Variants in TMEM135 observed in about 807,000 individuals in gnomAD.
TMEM135 encodes the protein transmembrane protein 135.
TMEM135 carries 30 observed loss-of-function variants against 60.3 expected under a neutral mutation model. The observed-to-expected ratio is 0.50, with a 90% CI of 0.37 to 0.68. TMEM135 has a LOEUF of 0.68. TMEM135 is among the 30% of genes least tolerant of loss of function. TMEM135 has a pLI of 0.00. For missense variants in TMEM135, 468 were observed against 548.8 expected (o/e 0.85, Z 1.47); for synonymous variants, 190 against 186.7 (o/e 1.02, Z -0.14).
chr11:87,195,077 T>C (rs1939903227), intron 5 of TMEM135, among the ~76,000 whole-genome samples: 2 of 152,170 alleles, frequency 1.3e-5, no homozygotes, highest in South Asian at 4.1e-4. Context: ...TCTTTATGTG[T>C]TATCTGAAGG....
At chr11:87,174,475 T>C (rs1057253651) in intron 5 of TMEM135, among the ~76,000 whole-genome samples, 2 of 152,128 alleles carry the variant, frequency 1.3e-5, no homozygotes, top group African/African-American at 4.8e-5. Flanking sequence ...CATAATCTAT[T>C]AGAATATAGC....
chr11:87,070,790 G>A (rs1056682513), intron 2 of TMEM135, among the ~76,000 whole-genome samples: 5 of 152,236 alleles, frequency 3.3e-5, no homozygotes, highest in Non-Finnish European at 5.9e-5. Context: ...AAACTAAAAC[G>A]TATAAAATAC....
chr11:87,269,317 T>TG (rs1346072525), intron 6 of TMEM135, among the ~76,000 whole-genome samples: 1 of 150,440 alleles, frequency 6.6e-6, no homozygotes, highest in Non-Finnish European at 1.5e-5. Flanking sequence ...CTTTTTTTTT[T>TG]GTGCAAGTGT....
At position 87,252,543 on chromosome 11, in the gene TMEM135, C is replaced by A. The variant is rs535110634; in HGVS notation, c.509+15859C>A. On this transcript the variant is annotated intron_variant, in intron 6 of 14. Coordinates refer to ENST00000305494, the MANE Select transcript of TMEM135 (RefSeq NM_022918.4). Reference sequence around the variant, plus strand: ...ATCCCAGCACTTTGGGAGGCTGAGGCAGGTAGATCACCTGAGGTCAGGAGT... The same window carrying A: ...ATCCCAGCACTTTGGGAGGCTGAGGAAGGTAGATCACCTGAGGTCAGGAGT... 3.3e-5 allele frequency among the ~76,000 whole-genome samples: 5 copies of A among 152,048 alleles called. No homozygotes were observed. The South Asian group carries it at 6.2e-4, about 19-fold the overall frequency.
intron 1 of TMEM135, among the ~76,000 whole-genome samples, chr11:87,064,060 C>T (rs980631555): frequency 1.6e-4 from 25 of 151,990 alleles, no homozygotes; most frequent in African/African-American, 5.6e-4. Context: ...CCAAGGGGAC[C>T]ACAATTTTAT....
At chr11:87,203,893 T>C (rs1940177115) in intron 5 of TMEM135, among the ~76,000 whole-genome samples, 1 of 152,248 alleles carries the variant, frequency 6.6e-6, no homozygotes, top group Non-Finnish European at 1.5e-5. Flanking sequence ...TTCTGAATTA[T>C]GGCCGTTCTA....
intron 4 of TMEM135, among the ~76,000 whole-genome samples, chr11:87,130,643 C>G (rs1474405960): frequency 6.6e-6 from 1 of 151,938 alleles, no homozygotes; most frequent in African/African-American, 2.4e-5. Flanking sequence ...AGCTGTTAAA[C>G]CTTTTGTAAT....
chr11:87,149,969 C>G (rs1415958218), intron 4 of TMEM135, among the ~76,000 whole-genome samples: 1 of 152,118 alleles, frequency 6.6e-6, no homozygotes, highest in Non-Finnish European at 1.5e-5. Flanking sequence ...GTAATCCCAG[C>G]ACTTTGGGAG....
Position 87,064,964 on chromosome 11 carries a change from C to G in TMEM135, c.142-2730C>G, listed in dbSNP as rs1300056834. On this transcript the variant is annotated intron_variant, in intron 1 of 14. Transcript: ENST00000305494. Reference sequence around the variant, plus strand: ...CTTTAGGATTAGCTTTTTTTTTTTCCCCCCACTCAGTATAATTCTGTGGAA... The same window carrying G: ...CTTTAGGATTAGCTTTTTTTTTTTCGCCCCACTCAGTATAATTCTGTGGAA... Among the ~76,000 whole-genome samples, 4 of 151,378 alleles carry G rather than the reference C, an allele frequency of 2.6e-5. No individual in the cohort carries two copies. In the East Asian group the frequency reaches 7.7e-4, roughly 29 times the overall value.
Position 87,302,384 on chromosome 11 carries a change from G to C in TMEM135, c.640G>C (p.Glu214Gln), listed in dbSNP as rs1370307965. Reference sequence around the variant, plus strand: ...AGTGGAACAAAAGAGAGAGCAACATGAGGAAAAACCCGGAAGAATGAATAT... The same window carrying C: ...AGTGGAACAAAAGAGAGAGCAACATCAGGAAAAACCCGGAAGAATGAATAT... ...AKVEQKREQHEEKPGRMNMIG... is the reference protein window; with the variant it reads ...AKVEQKREQHQEKPGRMNMIG... The change falls in exon 8 of 15, where the codon GAG becomes CAG. Residue 214 changes from glutamate to glutamine, a missense_variant. By Grantham distance (29) the Glu-to-Gln change is conservative (BLOSUM62 2). Coordinates refer to ENST00000305494, the MANE Select transcript of TMEM135 (RefSeq NM_022918.4). The C allele has an allele frequency of 1.9e-6, 3 of 1,613,764 alleles. No individual in the cohort carries two copies. The Admixed American group carries it at 5.0e-5, about 27-fold the overall frequency.
intron 5 of TMEM135, chr11:87,178,441 GT>G (rs1939436917): frequency 2.2e-6 from 1 of 455,764 alleles, no homozygotes; most frequent in Non-Finnish European, 4.4e-6. Flanking sequence ...AACATAATGC[GT>G]TTTGTTTTTT....
chr11:87,122,470 A>AT lies in TMEM135; in HGVS notation c.396+31083dup, dbSNP rs763599061. On this transcript the variant is annotated intron_variant, in intron 4 of 14. Coordinates refer to ENST00000305494, the MANE Select transcript of TMEM135 (RefSeq NM_022918.4). ...TTATTTATTTATTTATTTATTATTTATTTTTTTTGAGATGGAGTCTTGCTC... is the reference window on the plus strand; with the variant it reads ...TTATTTATTTATTTATTTATTATTTATTTTTTTTTGAGATGGAGTCTTGCTC... Among the ~76,000 whole-genome samples, 7 of 144,914 alleles carry AT rather than the reference A, an allele frequency of 4.8e-5. No homozygotes were observed. The East Asian group carries it at 5.9e-4, about 12-fold the overall frequency.
At chr11:87,097,115 G>T (rs1306078263) in intron 4 of TMEM135, among the ~76,000 whole-genome samples, 2 of 151,826 alleles carry the variant, frequency 1.3e-5, no homozygotes, top group African/African-American at 4.8e-5. Context: ...TCCTGCCTCA[G>T]TCCCCAGAGT....
chr11:87,124,879 A>G (rs1202806037), intron 4 of TMEM135, among the ~76,000 whole-genome samples: 1 of 150,764 alleles, frequency 6.6e-6, no homozygotes, highest in Non-Finnish European at 1.5e-5. Context: ...CAGAGCTGGG[A>G]TTTTATTTAG....
At chr11:87,258,912 C>A in intron 6 of TMEM135, 1 of 1,263,742 alleles carries the variant, frequency 7.9e-7, no homozygotes, top group Non-Finnish European at 1.2e-6. Flanking sequence ...CTGTGTTAGG[C>A]CCTAGAAGTA....
At chr11:87,224,689 C>T (rs780011489) in intron 5 of TMEM135, among the ~76,000 whole-genome samples, 1 of 151,578 alleles carries the variant, frequency 6.6e-6, no homozygotes, top group African/African-American at 2.4e-5. Context: ...AATATTTTTT[C>T]AGCTGTAACT....
intron 4 of TMEM135, among the ~76,000 whole-genome samples, chr11:87,139,187 G>A (rs540480875): frequency 1.3e-5 from 2 of 152,194 alleles, no homozygotes; most frequent in African/African-American, 2.4e-5. Flanking sequence ...TTTCATTAAT[G>A]TAGTACCCAG....
chr11:87,313,027 T>C (rs188941258), intron 10 of TMEM135, among the ~76,000 whole-genome samples: 1 of 151,882 alleles, frequency 6.6e-6, no homozygotes. Context: ...GGAAAAAATC[T>C]TTGTTTCACC....
intron 6 of TMEM135, among the ~76,000 whole-genome samples, chr11:87,269,280 G>GT (rs374547199): frequency 0.096 from 11,025 of 115,226 alleles, 964 homozygotes; most frequent in African/African-American, 0.22. Flanking sequence ...TTGCTTTAGG[G>GT]TTTTTTTTTT....
Sources: allele counts gnomAD v4.1 joint callset (sites outside exome capture counted in the v4.1 genomes callset), GRCh38; gene constraint gnomAD v4.1.1; transcripts MANE v1.5; gene names NCBI Gene and HGNC (gene_info 2026-07-23, HGNC 2026-07-21).